The following PPP2R2B variants were observed in gnomAD, a reference collection of about 807,000 sequenced individuals.
The protein encoded by PPP2R2B is serine/threonine-protein phosphatase 2A 55 kDa regulatory subunit B beta isoform.
In PPP2R2B, 5 loss-of-function variants were observed where a neutral mutation model predicts 46.0. That is an observed-to-expected ratio of 0.11 (90% CI 0.06 to 0.23). The LOEUF (loss-of-function observed/expected upper bound fraction) is 0.23. Ranked by LOEUF, PPP2R2B falls within the 10% of genes least tolerant of loss-of-function variation. The pLI, the probability that PPP2R2B is intolerant of heterozygous loss-of-function variation, is 1.00. For missense variants in PPP2R2B, 367 were observed against 575.0 expected (o/e 0.64, Z 3.70); for synonymous variants, 215 against 206.7 (o/e 1.04, Z -0.34).
intron 2 of PPP2R2B, among the ~76,000 whole-genome samples, chr5:146,782,670 CA>C (rs1755603626): frequency 6.6e-6 from 1 of 152,042 alleles, no homozygotes; most frequent in South Asian, 2.1e-4. Context: ...TTTCCTTGCC[CA>C]TTTTTTTTTA....
intron 1 of PPP2R2B, among the ~76,000 whole-genome samples, chr5:147,034,397 G>C (rs1755939098): frequency 6.6e-6 from 1 of 151,892 alleles, no homozygotes; most frequent in South Asian, 2.1e-4. Context: ...CATTTTCCCA[G>C]CATCTAAAAT....
chr5:147,011,152 C>T (rs778012712), intron 1 of PPP2R2B, among the ~76,000 whole-genome samples: 1 of 152,160 alleles, frequency 6.6e-6, no homozygotes, highest in Non-Finnish European at 1.5e-5. Flanking sequence ...CAGGCACACT[C>T]ATGGCCTTTG....
chr5:146,898,716 A>G (rs1465546081), intron 1 of PPP2R2B, among the ~76,000 whole-genome samples: 1 of 108,560 alleles, frequency 9.2e-6, no homozygotes, highest in African/African-American at 5.0e-5. Context: ...AATTTTCCCA[A>G]CCTACTCATC....
chr5:146,951,062 T>C (rs1764637024), intron 1 of PPP2R2B, among the ~76,000 whole-genome samples: 1 of 152,002 alleles, frequency 6.6e-6, no homozygotes, highest in Non-Finnish European at 1.5e-5. Flanking sequence ...CAAATGGCCC[T>C]TCTATCTAAG....
At chr5:146,882,106 T>C (rs1373075333), upstream of PPP2R2B, among the ~76,000 whole-genome samples, 1 of 151,880 alleles carries the variant, frequency 6.6e-6, no homozygotes, top group Non-Finnish European at 1.5e-5. Context: ...TGAAACCCTG[T>C]CTCTACTAAA....
At chr5:146,785,890 G>A (rs986062014) in intron 2 of PPP2R2B, among the ~76,000 whole-genome samples, 3 of 152,044 alleles carry the variant, frequency 2.0e-5, no homozygotes, top group Admixed American at 2.0e-4. Context: ...CATAGGGGAG[G>A]GGAGAATAAA....
At chr5:147,042,876 C>A (rs1323268855) in intron 1 of PPP2R2B, among the ~76,000 whole-genome samples, 1 of 151,922 alleles carries the variant, frequency 6.6e-6, no homozygotes, top group Admixed American at 6.6e-5. Context: ...GAAGAGCATT[C>A]CAGACGGAGG....
intron 1 of PPP2R2B, among the ~76,000 whole-genome samples, chr5:146,958,520 C>T (rs574348643): frequency 6.6e-6 from 1 of 152,164 alleles, no homozygotes; most frequent in Non-Finnish European, 1.5e-5. Flanking sequence ...ATTCATCACT[C>T]TTCATGTGCT....
intron 1 of PPP2R2B, among the ~76,000 whole-genome samples, chr5:146,891,247 T>A (rs917349215): frequency 1.1e-4 from 17 of 152,358 alleles, no homozygotes; most frequent in Admixed American, 5.2e-4. Context: ...CTTAATCATG[T>A]TGTGTTCTAA....
rs1237233930 is a variant in PPP2R2B at position 146,584,002 on chromosome 5, T to C, written c.*5945A>G. On this transcript the variant is annotated 3_prime_UTR_variant, in exon 10 of 10. Coordinates refer to ENST00000394411, the MANE Select transcript of PPP2R2B (RefSeq NM_181675.4). The stretch of plus-strand genomic sequence containing the variant: ...AAACCAAATACAGCAGCCAAAATGA[T>C]TGGAGTGGCAACTGAGAGGGCTTGA... The C allele has an allele frequency of 2.0e-5, 3 of 152,192 alleles. No homozygotes were observed. Among genetic ancestry groups the C allele is most frequent in the Non-Finnish European group, 4.4e-5 (3 of 68,034 alleles). 9.4% of individuals were successfully genotyped at this position (152,192 alleles called of 1,614,324 possible). A position where few individuals can be genotyped will look rare whatever the true frequency, so the allele number is the denominator to read the frequency against.
chr5:146,630,036 A>T (rs1774323848), intron 7 of PPP2R2B, among the ~76,000 whole-genome samples: 1 of 152,162 alleles, frequency 6.6e-6, no homozygotes, highest in South Asian at 2.1e-4. Flanking sequence ...CTGGTCTCGA[A>T]CCTCCTGGCC....
At chr5:146,982,467 G>T (rs2151855905) in intron 1 of PPP2R2B, among the ~76,000 whole-genome samples, 2 of 152,190 alleles carry the variant, frequency 1.3e-5, no homozygotes, top group Middle Eastern at 6.8e-3. Flanking sequence ...TCCAGGTTAT[G>T]GTCTAGGTCC....
intron 2 of PPP2R2B, among the ~76,000 whole-genome samples, chr5:146,766,444 G>A (rs1754481472): frequency 6.6e-6 from 1 of 152,158 alleles, no homozygotes; most frequent in African/African-American, 2.4e-5. Context: ...AGTGAGTGGG[G>A]AGTGGGAAAA....
chr5:146,949,436 T>G (rs918122675), intron 1 of PPP2R2B, among the ~76,000 whole-genome samples: 3 of 151,918 alleles, frequency 2.0e-5, no homozygotes, highest in Non-Finnish European at 2.9e-5. Context: ...GAAATGCAAA[T>G]CCAAACTACA....
intron 1 of PPP2R2B, among the ~76,000 whole-genome samples, chr5:147,016,630 T>A (rs569172498): frequency 6.6e-6 from 1 of 151,944 alleles, no homozygotes; most frequent in South Asian, 2.1e-4. Context: ...TCTAGGGTGC[T>A]ATGGGAACAC....
intron 1 of PPP2R2B, among the ~76,000 whole-genome samples, chr5:146,958,035 TGGA>T (rs1751994575): frequency 6.6e-6 from 1 of 152,044 alleles, no homozygotes; most frequent in African/African-American, 2.4e-5. Flanking sequence ...AAATCTGAGT[TGGA>T]GGAGGATCAT....
chr5:147,080,424 TATC>T (rs1015510730), intron 2 of PPP2R2B, among the ~76,000 whole-genome samples: 3 of 152,164 alleles, frequency 2.0e-5, no homozygotes, highest in Admixed American at 2.0e-4. Context: ...TCCAATTGCC[TATC>T]ATCCAGTGTT....
intron 7 of PPP2R2B, among the ~76,000 whole-genome samples, chr5:146,623,774 G>A (rs1394441932): frequency 6.6e-6 from 1 of 152,174 alleles, no homozygotes; most frequent in Non-Finnish European, 1.5e-5. Context: ...GCTGTCTCCA[G>A]TCTGTGCTTG....
chr5:146,768,030 AT>A (rs1754598564), intron 2 of PPP2R2B, among the ~76,000 whole-genome samples: 1 of 151,856 alleles, frequency 6.6e-6, no homozygotes, highest in Non-Finnish European at 1.5e-5. Context: ...CACAATAAGC[AT>A]TGTCATTTGA....
Sources: gnomAD v4.1 joint callset for allele counts (sites outside exome capture counted in the v4.1 genomes callset) on GRCh38, gnomAD v4.1.1 for gene constraint, MANE v1.5 for transcripts, NCBI Gene and HGNC (gene_info 2026-07-23, HGNC 2026-07-21) for gene names.